Variants in COL7A1 observed in about 807,000 individuals in gnomAD.
COL7A1 encodes the protein collagen alpha-1(VII) chain.
COL7A1 carries 296 observed loss-of-function variants against 456.2 expected under a neutral mutation model. The ratio of observed to expected loss-of-function variants is 0.65; its 90% CI spans 0.59 to 0.71. The LOEUF (loss-of-function observed/expected upper bound fraction) is 0.71, where lower values mean the gene tolerates loss of function less well. Ranked by LOEUF, COL7A1 falls within the 30% of genes least tolerant of loss-of-function variation. The probability of loss-of-function intolerance (pLI) is 0.00; values close to 1 mark genes in which losing one functional copy is unlikely to be tolerated. For missense variants in COL7A1, 3,441 were observed against 4,017.2 expected (o/e 0.86, Z 3.88); for synonymous variants, 1,464 against 1,525.9 (o/e 0.96, Z 0.95).
At position 48,583,498 on chromosome 3, in the gene COL7A1, T is replaced by G. The variant is rs968692106; in HGVS notation, c.4401+58A>C. Reference sequence around the variant, plus strand: ...TGAGGATGGAGCAGTGGTTGATGATTGAGGTAGGGGCTGGAGCTGTGCCCA... The same window carrying G: ...TGAGGATGGAGCAGTGGTTGATGATGGAGGTAGGGGCTGGAGCTGTGCCCA... On this transcript the variant is annotated intron_variant, in intron 41 of 118. Transcript: ENST00000681320. The surrounding 1 kb of genome is among the most constrained non-coding windows in gnomAD (Gnocchi z 5.1). 21 of 1,613,596 alleles carry G rather than the reference T, an allele frequency of 1.3e-5. No homozygotes were observed. The African/African-American group carries it at 2.3e-4, about 17-fold the overall frequency.
chr3:48,580,014 C>A lies in COL7A1; in HGVS notation c.5124+17G>T, dbSNP rs1008984408. The A allele has an allele frequency of 6.2e-7, 1 of 1,613,866 alleles. No individual in the cohort carries two copies. The stretch of plus-strand genomic sequence containing the variant: ...GTGAGAACAATGACAGAGGACCAGA[C>A]CCAGCGCAGCCCTTACCAGCCGTCC... On this transcript the variant is annotated intron_variant, in intron 57 of 118. Coordinates refer to ENST00000681320, the MANE Select transcript of COL7A1 (RefSeq NM_000094.4). The surrounding 1 kb of genome is among the most constrained non-coding windows in gnomAD (Gnocchi z 4.5).
Position 48,594,838 on chromosome 3 carries a change from A to C in COL7A1, c.85+237T>G, listed in dbSNP as rs2045964742. On this transcript the variant is annotated intron_variant, in intron 2 of 118. Transcript: ENST00000681320. The surrounding 1 kb of genome is among the most constrained non-coding windows in gnomAD (Gnocchi z 5.5). ...GGGCCGGCGTGGATTGGCATAAGGCAGGGGACCCCGCACGCATCCAGGGAG... is the reference window on the plus strand; with the variant it reads ...GGGCCGGCGTGGATTGGCATAAGGCCGGGGACCCCGCACGCATCCAGGGAG... Among the ~76,000 whole-genome samples, 1 of 152,110 alleles carries C rather than the reference A, an allele frequency of 6.6e-6. No homozygotes were observed. The highest frequency in any genetic ancestry group is 2.4e-5 in the African/African-American group (1 of 41,412).
rs2044695696 is a variant in COL7A1 at position 48,580,770 on chromosome 3, A to G, written c.4980+112T>C. 6 of 1,566,636 alleles carry G rather than the reference A, an allele frequency of 3.8e-6. No homozygotes were observed. The South Asian group carries it at 6.7e-5, about 17-fold the overall frequency. ...AAAATCCACATCAGAGGTTCCCATC[A>G]CCCCATGCCTCCCTGCAGGGACTCC... On this transcript the variant is annotated intron_variant, in intron 54 of 118. Coordinates refer to ENST00000681320, the MANE Select transcript of COL7A1 (RefSeq NM_000094.4). This position sits in a 1 kb window ranked among gnomAD's most constrained non-coding sequence, Gnocchi z 4.5.
Position 48,593,355 on chromosome 3 carries a change from C to T in COL7A1, c.520+1G>A. ...ACCTGTCACTCCTGCTCGGTCCTTA[C>T]CCACAGCAAATAGCTTGACCCCCTG... On this transcript the variant is annotated splice_donor_variant, in intron 5 of 118. Coordinates refer to ENST00000681320, the MANE Select transcript of COL7A1 (RefSeq NM_000094.4). LOFTEE classifies it high-confidence loss of function. This position sits in a 1 kb window ranked among gnomAD's most constrained non-coding sequence, Gnocchi z 4.4. The T allele has an allele frequency of 1.2e-6, 2 of 1,614,072 alleles. No individual in the cohort carries two copies. The highest frequency in any genetic ancestry group is 1.7e-6 in the Non-Finnish European group (2 of 1,180,020).
At position 48,586,925 on chromosome 3, in the gene COL7A1, T is replaced by C; in HGVS notation, c.3276+47A>G. ...GATGGTAACTGGTATGGAGCCTGGG[T>C]GGGGGGCCTCAGGGAGAGGTAGAAT... is the stretch of plus-strand genomic sequence containing the variant. On this transcript the variant is annotated intron_variant, in intron 25 of 118. Transcript: ENST00000681320. This position sits in a 1 kb window ranked among gnomAD's most constrained non-coding sequence, Gnocchi z 5.1. 6.4e-7 allele frequency: 1 copy of C among 1,561,084 alleles called. No individual in the cohort carries two copies. The highest frequency in any genetic ancestry group is 8.7e-7 in the Non-Finnish European group (1 of 1,152,522).
In COL7A1 at chr3:48,568,819, C is replaced by A; in HGVS notation, c.7723G>T (p.Gly2575Trp). ...AGGAGTCCACGCAGTCCTGGCAACC[C>A]GGCTGAGCCCTTGTCACCAGGCTCT... ...KGEPGDKGSAGLPGLRGLLGP... is the reference protein window; with the variant it reads ...KGEPGDKGSAWLPGLRGLLGP... The change falls in exon 104 of 119, where the codon GGG (glycine) becomes TGG (tryptophan). Residue 2575 changes from glycine to tryptophan, a missense_variant. This residue lies in a region of COL7A1 where 2,084 missense variants were observed against 2,501.3 expected (regional missense o/e 0.83). Coordinates refer to ENST00000681320, the MANE Select transcript of COL7A1 (RefSeq NM_000094.4). This position sits in a 1 kb window ranked among gnomAD's most constrained non-coding sequence, Gnocchi z 5.2. The A allele has an allele frequency of 6.3e-7, 1 of 1,576,276 alleles. No individual in the cohort carries two copies. Among genetic ancestry groups the A allele is most frequent in the Admixed American group, 1.8e-5 (1 of 54,760 alleles).
Position 48,581,794 on chromosome 3 carries a change from G to C in COL7A1, c.4669-35C>G. The C allele has an allele frequency of 6.2e-7, 1 of 1,613,948 alleles. No homozygotes were observed. Among genetic ancestry groups the C allele is most frequent in the Non-Finnish European group, 8.5e-7 (1 of 1,179,926 alleles). On this transcript the variant is annotated intron_variant, in intron 48 of 118. Transcript: ENST00000681320. The surrounding 1 kb of genome is among the most constrained non-coding windows in gnomAD (Gnocchi z 5.8). ...ACAAAGACCATCAGTGCTAGTCCCA[G>C]GCTCCAGTTAACCCCCTGACCCAGC...
chr3:48,572,505 T>C lies in COL7A1; in HGVS notation c.6934A>G (p.Lys2312Glu). 6.2e-7 allele frequency: 1 copy of C among 1,612,956 alleles called. No individual in the cohort carries two copies. The highest frequency in any genetic ancestry group is 1.1e-5 in the South Asian group (1 of 91,016). ...CTGGCAGCCCCACACACACTCACCT[T>C]CTCTCCCTTTGCTCCAGGGAGCCCG... ...VVGLPGAKGE[K>E]GAPGGLAGDL... The change falls in exon 89 of 119, where the codon AAG becomes GAG. Residue 2312 changes from lysine to glutamate, a missense_variant and splice_region_variant. Around this residue, in one of 3 missense-constraint regions of COL7A1, gnomAD observed 2,084 missense variants for 2,501.3 expected, o/e 0.83. Coordinates refer to ENST00000681320, the MANE Select transcript of COL7A1 (RefSeq NM_000094.4). The surrounding 1 kb of genome is among the most constrained non-coding windows in gnomAD (Gnocchi z 4.6).
At position 48,591,456 on chromosome 3, in the gene COL7A1, C is replaced by T. The variant is rs1434340606; in HGVS notation, c.1636+8G>A. 6.2e-7 allele frequency: 1 copy of T among 1,612,730 alleles called. No homozygotes were observed. Among genetic ancestry groups the T allele is most frequent in the South Asian group, 1.1e-5 (1 of 91,046 alleles). On this transcript the variant is annotated splice_region_variant and intron_variant, in intron 13 of 118. Transcript: ENST00000681320. This position sits in a 1 kb window ranked among gnomAD's most constrained non-coding sequence, Gnocchi z 7.0. Reference sequence around the variant, plus strand: ...GTGTGGTGGGGGTGCTGGCTGCGTCCACCTCACCCTGGGTGCTGCGCACAA... The same window carrying T: ...GTGTGGTGGGGGTGCTGGCTGCGTCTACCTCACCCTGGGTGCTGCGCACAA...
In COL7A1 at chr3:48,590,223, C is replaced by T. The variant is rs762394182; in HGVS notation, c.2040G>A (p.Val680=). The change falls in exon 16 of 119, where the codon GTG becomes GTA. Residue 680 remains valine (V), a synonymous_variant. Transcript: ENST00000681320. The surrounding 1 kb of genome is among the most constrained non-coding windows in gnomAD (Gnocchi z 4.6). ...GREEGPAAVI[V]ARTDPLGPVR... is the part of the protein sequence containing the mutation. ...GGGGCAGGGCCTGACCCGTTCGAGC[C>T]ACGATGACTGCAGCAGGGCCCTCCT... is the stretch of plus-strand genomic sequence containing the variant. 1 of 1,613,414 alleles carries T rather than the reference C, an allele frequency of 6.2e-7. No individual in the cohort carries two copies. Among genetic ancestry groups the T allele is most frequent in the South Asian group, 1.1e-5 (1 of 91,064 alleles).
In COL7A1 at chr3:48,583,920, G is replaced by A. The variant is rs1157310520; in HGVS notation, c.4258C>T (p.Pro1420Ser). 2.5e-6 allele frequency: 4 copies of A among 1,613,972 alleles called. No homozygotes were observed. In the African/African-American group the frequency reaches 5.3e-5, roughly 22 times the overall value. ...PPGPGEGGIA[P>S]GEPGLPGLPG... ...CTCACCGGCAGCCCAGGCTCCCCAG[G>A]AGCAATGCCACCTTCACCTGGTCCA... The change falls in exon 39 of 119, where the codon CCT (proline) becomes TCT (serine). Residue 1420 changes from proline (P) to serine (S), a missense_variant. Coordinates refer to ENST00000681320, the MANE Select transcript of COL7A1 (RefSeq NM_000094.4). This position sits in a 1 kb window ranked among gnomAD's most constrained non-coding sequence, Gnocchi z 5.1.
In COL7A1 at chr3:48,575,420, G is replaced by T. The variant is rs201150671; in HGVS notation, c.6099C>A (p.Ala2033=). The T allele has an allele frequency of 2.5e-6, 4 of 1,609,482 alleles. No homozygotes were observed. Among genetic ancestry groups the T allele is most frequent in the African/African-American group, 2.7e-5 (2 of 74,642 alleles). Residue 2033 remains alanine, a synonymous_variant, in exon 74 of 119, where the codon GCC becomes GCA. Coordinates refer to ENST00000681320, the MANE Select transcript of COL7A1 (RefSeq NM_000094.4). This position sits in a 1 kb window ranked among gnomAD's most constrained non-coding sequence, Gnocchi z 6.3. ...ERGPPGPSGL[A]GEPGKPGIPG... ...GAATACCAGGCTTTCCAGGCTCCCC[G>T]GCAAGGCCGGAAGGCCCGGGGGGGC... is the stretch of plus-strand genomic sequence containing the variant.
chr3:48,592,261 C>T lies in COL7A1; in HGVS notation c.1094-13G>A, dbSNP rs368034614. ...TGTGTGGGCCCACCTGCATGGGGGA[C>T]ACCAAGGGGCCAGTGGGCCTTGCAG... On this transcript the variant is annotated splice_polypyrimidine_tract_variant and intron_variant, in intron 9 of 118. Coordinates refer to ENST00000681320, the MANE Select transcript of COL7A1 (RefSeq NM_000094.4). This position sits in a 1 kb window ranked among gnomAD's most constrained non-coding sequence, Gnocchi z 7.6. The T allele has an allele frequency of 1.4e-5, 22 of 1,613,842 alleles. No homozygotes were observed. The highest frequency in any genetic ancestry group is 1.8e-5 in the Non-Finnish European group (21 of 1,180,028).
At position 48,567,504 on chromosome 3, in the gene COL7A1, A is replaced by G. The variant is rs1190202253; in HGVS notation, c.8046+70T>C. The G allele has an allele frequency of 3.8e-6, 6 of 1,598,868 alleles. No homozygotes were observed. The highest frequency in any genetic ancestry group is 4.3e-6 in the Non-Finnish European group (5 of 1,167,228). ...CAGCCTTCCTTGTCCCTACACCCCC[A>G]TGACCCGACCATGAGCTTCCCTGCC... On this transcript the variant is annotated intron_variant, in intron 109 of 118. Coordinates refer to ENST00000681320, the MANE Select transcript of COL7A1 (RefSeq NM_000094.4). The surrounding 1 kb of genome is among the most constrained non-coding windows in gnomAD (Gnocchi z 4.3).
chr3:48,567,969 C>G lies in COL7A1; in HGVS notation c.7876-78G>C. 1.9e-6 allele frequency: 3 copies of G among 1,604,522 alleles called. No individual in the cohort carries two copies. Among genetic ancestry groups the G allele is most frequent in the Non-Finnish European group, 2.6e-6 (3 of 1,171,816 alleles). On this transcript the variant is annotated intron_variant, in intron 106 of 118. Coordinates refer to ENST00000681320, the MANE Select transcript of COL7A1 (RefSeq NM_000094.4). The surrounding 1 kb of genome is among the most constrained non-coding windows in gnomAD (Gnocchi z 4.3). ...CCCCCTTCACCCTGAAACTAACTCTCCAAACAGGCCTCAGCTACTCCAACC... is the reference window on the plus strand; with the variant it reads ...CCCCCTTCACCCTGAAACTAACTCTGCAAACAGGCCTCAGCTACTCCAACC...
chr3:48,595,164 G>C lies in COL7A1; in HGVS notation c.-1-4C>G. On this transcript the variant is annotated splice_region_variant and splice_polypyrimidine_tract_variant and intron_variant, in intron 1 of 118. Coordinates refer to ENST00000681320, the MANE Select transcript of COL7A1 (RefSeq NM_000094.4). ...CACCAGAAGCCGCAGCGTCATCCTAGGCAGTAAAAGCCGTCAGCTAGGACC... is the reference window on the plus strand; with the variant it reads ...CACCAGAAGCCGCAGCGTCATCCTACGCAGTAAAAGCCGTCAGCTAGGACC... 1 of 1,550,954 alleles carries C rather than the reference G, an allele frequency of 6.4e-7. No individual in the cohort carries two copies. Among genetic ancestry groups the C allele is most frequent in the Non-Finnish European group, 8.7e-7 (1 of 1,147,272 alleles).
rs771747586 is a variant in COL7A1, at chr3:48,576,686, G to A, written c.5690C>T (p.Pro1897Leu). The A allele has an allele frequency of 8.7e-6, 14 of 1,606,372 alleles. No homozygotes were observed. Among genetic ancestry groups the A allele is most frequent in the African/African-American group, 2.7e-5 (2 of 74,848 alleles). Residue 1897 changes from proline (P) to leucine (L), a missense_variant, in exon 68 of 119, where the codon CCT (proline) becomes CTT (leucine). Physicochemically the swap from Pro to Leu is moderately conservative, Grantham distance 98. Transcript: ENST00000681320. The stretch of plus-strand genomic sequence containing the variant: ...ACCCAGGACACTCACCTGGCCAGGA[G>A]GGCCCACTGGCCCTGGGAGGCCTGG... ...GPPGLPGPVG[P>L]PGQGFPGVPG...
Position 48,568,243 on chromosome 3 carries a change from G to A in COL7A1, c.7795-73C>T. On this transcript the variant is annotated intron_variant, in intron 105 of 118. Transcript: ENST00000681320. This position sits in a 1 kb window ranked among gnomAD's most constrained non-coding sequence, Gnocchi z 5.2. Reference sequence around the variant, plus strand: ...CCAAAGAGAATCGCCCTGGATAGTGGGTAGGGAACACCATGGGGTGGGAGT... The same window carrying A: ...CCAAAGAGAATCGCCCTGGATAGTGAGTAGGGAACACCATGGGGTGGGAGT... 2.0e-6 allele frequency: 3 copies of A among 1,533,218 alleles called. No individual in the cohort carries two copies. The highest frequency in any genetic ancestry group is 2.7e-6 in the Non-Finnish European group (3 of 1,115,942). The allele number at this position is 1,533,218 out of a possible 1,614,324, so 95.0% of individuals were successfully genotyped here.
rs745691610 is a variant in COL7A1, at chr3:48,566,914, C to G, written c.8219G>C (p.Gly2740Ala). 1.4e-5 allele frequency: 23 copies of G among 1,603,410 alleles called. No individual in the cohort carries two copies. Among genetic ancestry groups the G allele is most frequent in the Non-Finnish European group, 2.0e-5 (23 of 1,173,790 alleles). ...VGPRGPEGLQGQKGERGPPGE... is the reference protein window; with the variant it reads ...VGPRGPEGLQAQKGERGPPGE... ...AGAGCTGGGGCCCCTTACCTTCTGG[C>G]CCTGAAGTCCTTCGGGGCCTCTGGG... The change falls in exon 111 of 119, where the codon GGC becomes GCC. Residue 2740 changes from glycine (G) to alanine (A), a missense_variant. Coordinates refer to ENST00000681320, the MANE Select transcript of COL7A1 (RefSeq NM_000094.4). The surrounding 1 kb of genome is among the most constrained non-coding windows in gnomAD (Gnocchi z 5.9).
Sources: gnomAD v4.1 joint callset for allele counts (sites outside exome capture counted in the v4.1 genomes callset) on GRCh38, gnomAD v4.1.1 for gene constraint, gnomAD v4.1.1 regional missense constraint, Gnocchi (gnomAD v3.1) non-coding constraint, MANE v1.5 for transcripts, NCBI Gene and HGNC (gene_info 2026-07-23, HGNC 2026-07-21) for gene names.